Variants in MGST1 observed in about 807,000 individuals in gnomAD.
MGST1 encodes the protein microsomal glutathione S-transferase 1.
MGST1 carries 5 observed loss-of-function variants against 8.9 expected under a neutral mutation model. That is an observed-to-expected ratio of 0.56 (90% CI 0.29 to 1.19). The LOEUF is 1.19. Among genes scored for constraint, MGST1 ranks in the 50% most tolerant of loss-of-function variants. The pLI, the probability that MGST1 is intolerant of heterozygous loss-of-function variation, is 0.08. For synonymous variants in MGST1, 54 were observed against 67.8 expected, an observed-to-expected ratio of 0.80 and a Z score of 1.00; for missense variants, 182 against 187.4, an observed-to-expected ratio of 0.97 and a Z score of 0.17.
downstream of MGST1, among the ~76,000 whole-genome samples, chr12:16,440,951 G>C (rs1351088340): frequency 1.3e-5 from 2 of 151,638 alleles, no homozygotes; most frequent in African/African-American, 2.4e-5. Flanking sequence ...GATTGAATTT[G>C]CTTTTCTTTA....
chr12:16,397,546 C>A (rs545475107), intron 1 of MGST1, among the ~76,000 whole-genome samples: 1 of 152,074 alleles, frequency 6.6e-6, no homozygotes, highest in South Asian at 2.1e-4. Flanking sequence ...GAACTAATAT[C>A]CAGAGACTAC....
intron 1 of MGST1, among the ~76,000 whole-genome samples, chr12:16,391,150 T>G (rs925466100): frequency 5.9e-5 from 9 of 152,054 alleles, no homozygotes; most frequent in Non-Finnish European, 1.3e-4. Flanking sequence ...TTTTTTTTTT[T>G]TTTCAATTTT....
intron 4 of MGST1, among the ~76,000 whole-genome samples, chr12:16,460,109 T>C (rs1941207376): frequency 6.6e-6 from 1 of 152,050 alleles, no homozygotes; most frequent in Non-Finnish European, 1.5e-5. Context: ...ATGTAGGAAA[T>C]TTAGTATAGT....
At chr12:16,460,062 C>G (rs1176886157) in intron 4 of MGST1, among the ~76,000 whole-genome samples, 1 of 152,080 alleles carries the variant, frequency 6.6e-6, no homozygotes, top group African/African-American at 2.4e-5. Flanking sequence ...AGAACATACT[C>G]TTATAGGAAT....
chr12:16,422,241 G>A (rs1239069443), intron 1 of MGST1, among the ~76,000 whole-genome samples: 4 of 152,116 alleles, frequency 2.6e-5, no homozygotes, highest in Non-Finnish European at 5.9e-5. Context: ...ATTCTCTATA[G>A]TGTGTATATG....
chr12:16,407,423 C>G (rs1940704981), intron 1 of MGST1, among the ~76,000 whole-genome samples: 1 of 151,994 alleles, frequency 6.6e-6, no homozygotes, highest in African/African-American at 2.4e-5. Flanking sequence ...CAGATGCCGG[C>G]AAGGTTGTGG....
chr12:16,481,510 A>G lies in MGST1; in HGVS notation n.482+97906A>G, dbSNP rs542107124. On this transcript the variant is annotated intron_variant and non_coding_transcript_variant, in intron 4 of 4. Coordinates refer to the MGST1 transcript ENST00000538857. ...ATCTTTAGGTGTTCTAAAAAGAAAAAGATGTGTAAGAAATAAAAAATAATA... is the reference window on the plus strand; with the variant it reads ...ATCTTTAGGTGTTCTAAAAAGAAAAGGATGTGTAAGAAATAAAAAATAATA... Among the ~76,000 whole-genome samples, 8 of 152,354 alleles carry G rather than the reference A, an allele frequency of 5.3e-5. No homozygotes were observed. In the South Asian group the frequency reaches 1.2e-3, roughly 24 times the overall value.
At chr12:16,442,012 C>T (rs747511810), downstream of MGST1, among the ~76,000 whole-genome samples, 13 of 151,752 alleles carry the variant, frequency 8.6e-5, no homozygotes, top group South Asian at 2.1e-4. This position sits in a 1 kb window ranked among gnomAD's most constrained non-coding sequence, Gnocchi z 4.5. Context: ...CATTCTAATA[C>T]GTGTGTGGTG....
intron 1 of MGST1, among the ~76,000 whole-genome samples, chr12:16,419,428 G>T (rs1337355671): frequency 5.3e-5 from 8 of 152,050 alleles, no homozygotes; most frequent in African/African-American, 1.7e-4. Flanking sequence ...GTCCTTCTTG[G>T]GGGAAGAGAG....
chr12:16,440,584 C>G (rs1352086239), downstream of MGST1, among the ~76,000 whole-genome samples: 1 of 151,740 alleles, frequency 6.6e-6, no homozygotes, highest in South Asian at 2.1e-4. Context: ...GTAGTTCATT[C>G]TTTTGCATTC....
rs1471582421 is a variant in MGST1, at chr12:16,589,070, G to A, written n.483-458G>A. ...TGAAGCTGGGGTGTAGCAGAAGGGGGTCGACGTCAGGTCTGGATACCTCAC... is the reference window on the plus strand; with the variant it reads ...TGAAGCTGGGGTGTAGCAGAAGGGGATCGACGTCAGGTCTGGATACCTCAC... On this transcript the variant is annotated intron_variant and non_coding_transcript_variant, in intron 4 of 4. Transcript: ENST00000538857. The surrounding 1 kb of genome is among the most constrained non-coding windows in gnomAD (Gnocchi z 4.2). Among the ~76,000 whole-genome samples, 1 of 152,084 alleles carries A rather than the reference G, an allele frequency of 6.6e-6. No individual in the cohort carries two copies. The highest frequency in any genetic ancestry group is 2.4e-5 in the African/African-American group (1 of 41,422).
intron 4 of MGST1, among the ~76,000 whole-genome samples, chr12:16,581,067 A>G (rs1943143741): frequency 6.6e-6 from 1 of 152,246 alleles, no homozygotes; most frequent in Non-Finnish European, 1.5e-5. Flanking sequence ...AACATTGTAA[A>G]TAGTTAGGTA....
In MGST1 at chr12:16,354,396, A is replaced by T. The variant is rs901860858; in HGVS notation, c.126+18A>T. ...CAAGAAAGGTAAGAAATTTGGAGGTAATATTTTCTTACTTTTAAGAGTTGG... is the reference window on the plus strand; with the variant it reads ...CAAGAAAGGTAAGAAATTTGGAGGTTATATTTTCTTACTTTTAAGAGTTGG... On this transcript the variant is annotated intron_variant, in intron 2 of 3. Transcript: ENST00000396210. The T allele has an allele frequency of 2.5e-6, 4 of 1,583,406 alleles. No homozygotes were observed. Among genetic ancestry groups the T allele is most frequent in the Admixed American group, 4.0e-5 (2 of 50,152 alleles).
chr12:16,454,484 A>C (rs1219573207), intron 4 of MGST1, among the ~76,000 whole-genome samples: 1 of 151,888 alleles, frequency 6.6e-6, no homozygotes, highest in Admixed American at 6.6e-5. Flanking sequence ...GAAATCTTAG[A>C]GGGTAGATCT....
In MGST1 at chr12:16,585,914, C is replaced by A. The variant is rs1285223125; in HGVS notation, n.483-3614C>A. Among the ~76,000 whole-genome samples, 1 of 152,130 alleles carries A rather than the reference C, an allele frequency of 6.6e-6. No individual in the cohort carries two copies. The highest frequency in any genetic ancestry group is 1.9e-4 in the East Asian group (1 of 5,184). On this transcript the variant is annotated intron_variant and non_coding_transcript_variant, in intron 4 of 4. Coordinates refer to the MGST1 transcript ENST00000538857. The surrounding 1 kb of genome is among the most constrained non-coding windows in gnomAD (Gnocchi z 4.7). ...TTTAGTCATTTATAGTCTCAGAAAT[C>A]TTGCTTATCCTAAGATCTGGGCGAC... is the stretch of plus-strand genomic sequence containing the variant.
intron 1 of MGST1, among the ~76,000 whole-genome samples, chr12:16,427,029 ATATT>A (rs1342838313): frequency 6.6e-6 from 1 of 152,130 alleles, no homozygotes; most frequent in African/African-American, 2.4e-5. Flanking sequence ...AATTGAATAA[ATATT>A]TATGAAATTT....
At chr12:16,399,830 T>C in intron 1 of MGST1, 1 of 1,226,070 alleles carries the variant, frequency 8.2e-7, no homozygotes, top group Non-Finnish European at 1.2e-6. Context: ...CATGGTCACT[T>C]TCTTGCTGTA....
At chr12:16,506,958 T>A (rs1215712274) in intron 4 of MGST1, among the ~76,000 whole-genome samples, 1 of 152,206 alleles carries the variant, frequency 6.6e-6, no homozygotes, top group East Asian at 1.9e-4. Context: ...TCATTCCTTA[T>A]TTTCTAGGGG....
intron 4 of MGST1, among the ~76,000 whole-genome samples, chr12:16,511,839 TC>T (rs1204584369): frequency 6.6e-6 from 1 of 152,182 alleles, no homozygotes; most frequent in African/African-American, 2.4e-5. Context: ...TGGAGACAGT[TC>T]GGTGATATAT....
Sources: gnomAD v4.1 joint callset for allele counts (sites outside exome capture counted in the v4.1 genomes callset) on GRCh38, gnomAD v4.1.1 for gene constraint, Gnocchi (gnomAD v3.1) non-coding constraint, MANE v1.5 for transcripts, NCBI Gene and HGNC (gene_info 2026-07-23, HGNC 2026-07-21) for gene names.